Variants in PTGFR observed in about 807,000 individuals in gnomAD.
The protein encoded by PTGFR is prostaglandin F receptor, also known as prostaglandin F2-alpha receptor.
A neutral mutation model predicts 26.2 loss-of-function variants in PTGFR; 15 were observed. The observed-to-expected ratio is 0.57, with a 90% CI of 0.38 to 0.88. The LOEUF (loss-of-function observed/expected upper bound fraction) is 0.88. PTGFR is among the 40% of genes least tolerant of loss of function. PTGFR has a pLI of 0.00. For synonymous variants in PTGFR, 165 were observed against 151.1 expected, an observed-to-expected ratio of 1.09 and a Z score of -0.68; for missense variants, 369 against 427.2, an observed-to-expected ratio of 0.86 and a Z score of 1.20.
chr1:78,532,124 C>A, intron 2 of PTGFR: 4 of 354,326 alleles, frequency 1.1e-5, no homozygotes, highest in Middle Eastern at 3.8e-4. Context: ...TATTTTGTAA[C>A]TAGAGAAAAC....
intron 2 of PTGFR, among the ~76,000 whole-genome samples, chr1:78,494,317 C>T (rs1355088512): frequency 1.3e-5 from 2 of 152,106 alleles, no homozygotes; most frequent in Non-Finnish European, 2.9e-5. Flanking sequence ...TAATGTTTTG[C>T]TTTATAATGT....
At chr1:78,522,743 T>C (rs1433231525) in intron 2 of PTGFR, among the ~76,000 whole-genome samples, 1 of 152,072 alleles carries the variant, frequency 6.6e-6, no homozygotes, top group Non-Finnish European at 1.5e-5. Context: ...ATGACTGTAT[T>C]CTCTCCCTTG....
chr1:78,522,538 A>G (rs1650272397), intron 2 of PTGFR, among the ~76,000 whole-genome samples: 1 of 152,082 alleles, frequency 6.6e-6, no homozygotes, highest in Non-Finnish European at 1.5e-5. Context: ...CTCAAAGCAT[A>G]TACACATGTA....
chr1:78,536,479 G>T lies in PTGFR; in HGVS notation c.872G>T (p.Arg291Leu). 1 of 1,612,846 alleles carries T rather than the reference G, an allele frequency of 6.2e-7. No individual in the cohort carries two copies. The highest frequency in any genetic ancestry group is 8.5e-7 in the Non-Finnish European group (1 of 1,179,272). The change falls in exon 3 of 3, where the codon CGA becomes CTA. Residue 291 changes from arginine (R) to leucine (L), a missense_variant. By Grantham distance (102) the Arg-to-Leu change is moderately radical. Coordinates refer to ENST00000370757, the MANE Select transcript of PTGFR (RefSeq NM_000959.4). ...ETCETTLFAL[R>L]MATWNQILDP... ...TGTGAAACAACACTTTTTGCTCTCC[G>T]AATGGCAACATGGAATCAAATCTTA...
intron 2 of PTGFR, among the ~76,000 whole-genome samples, chr1:78,499,565 C>T (rs1649648553): frequency 6.6e-6 from 1 of 152,318 alleles, no homozygotes; most frequent in African/African-American, 2.4e-5. Flanking sequence ...AGGTCAGGAC[C>T]TGGTTGATAG....
chr1:78,503,224 T>C (rs1263922118), intron 2 of PTGFR, among the ~76,000 whole-genome samples: 2 of 146,634 alleles, frequency 1.4e-5, no homozygotes, highest in Non-Finnish European at 3.0e-5. Context: ...AAAATATGAG[T>C]AGAAAAATTG....
chr1:78,492,694 C>A lies in PTGFR; in HGVS notation c.-50C>A, dbSNP rs1205735946. ...CAGATGTCTGGACTGCAATCCTGCA[C>A]AGTTTTGAGAGGGAGATGACTTGAG... On this transcript the variant is annotated 5_prime_UTR_variant, in exon 2 of 3. Transcript: ENST00000370757. 1 of 1,528,754 alleles carries A rather than the reference C, an allele frequency of 6.5e-7. No homozygotes were observed. The highest frequency in any genetic ancestry group is 1.3e-5 in the South Asian group (1 of 79,706). The allele number at this position is 1,528,754 out of a possible 1,614,324, so 94.7% of individuals were successfully genotyped here. A position where few individuals can be genotyped will look rare whatever the true frequency, so the allele number is the denominator to read the frequency against.
intron 2 of PTGFR, among the ~76,000 whole-genome samples, chr1:78,521,549 G>C (rs187340521): frequency 1.4e-4 from 21 of 152,204 alleles, no homozygotes; most frequent in African/African-American, 4.6e-4. Context: ...TGTTAGTATA[G>C]GGAAGTGATT....
At chr1:78,511,687 T>C (rs1443394390) in intron 2 of PTGFR, among the ~76,000 whole-genome samples, 2 of 152,342 alleles carry the variant, frequency 1.3e-5, no homozygotes, top group East Asian at 3.9e-4. Context: ...CAAATCTCTC[T>C]AGGAAGTGGT....
At chr1:78,493,633 A>G in intron 2 of PTGFR, 92 bp downstream of exon 2, 1 of 1,252,146 alleles carries the variant, frequency 8.0e-7, no homozygotes, top group Non-Finnish European at 1.1e-6. Flanking sequence ...AATGCTGAGA[A>G]TGATCCCTAC....
At position 78,514,576 on chromosome 1, in the gene PTGFR, C is replaced by T. The variant is rs139913304; in HGVS notation, c.798+21035C>T. 1.2e-3 allele frequency among the ~76,000 whole-genome samples: 175 copies of T among 151,926 alleles called. 3 individuals are homozygous for T. In the East Asian group the frequency reaches 0.028, roughly 25 times the overall value. On this transcript the variant is annotated intron_variant, in intron 2 of 2. Transcript: ENST00000370757. The stretch of plus-strand genomic sequence containing the variant: ...GATGAGACTTTGGACTTGGGACTTT[C>T]GAGTTAATGCTTTGGAGGACTATTG...
chr1:78,515,158 G>T (rs181859903), intron 2 of PTGFR, among the ~76,000 whole-genome samples: 4 of 152,094 alleles, frequency 2.6e-5, no homozygotes, highest in African/African-American at 9.6e-5. Context: ...TTCTCTTTTG[G>T]AATTAATCTC....
intron 2 of PTGFR, among the ~76,000 whole-genome samples, chr1:78,525,847 C>T (rs1224816547): frequency 2.6e-5 from 4 of 151,970 alleles, no homozygotes; most frequent in Non-Finnish European, 4.4e-5. Context: ...TTAGAGGCTC[C>T]CTTCCAGGAA....
chr1:78,491,084 G>C lies in PTGFR; in HGVS notation c.-225G>C, dbSNP rs1649380200. On this transcript the variant is annotated 5_prime_UTR_variant, in exon 1 of 3. Coordinates refer to ENST00000370757, the MANE Select transcript of PTGFR (RefSeq NM_000959.4). ...GCTAAGGGAACGAGTGCGCGGAGGG[G>C]ACGAGCGGCTGGACCACAGCCGGCG... 6.6e-6 allele frequency: 1 copy of C among 152,278 alleles called. No homozygotes were observed. The highest frequency in any genetic ancestry group is 2.1e-4 in the South Asian group (1 of 4,838). 9.4% of individuals were successfully genotyped at this position (152,278 alleles called of 1,614,324 possible).
In PTGFR at chr1:78,492,957, G is replaced by A; in HGVS notation, c.214G>A (p.Gly72Ser). The A allele has an allele frequency of 1.2e-6, 2 of 1,614,218 alleles. No individual in the cohort carries two copies. Among genetic ancestry groups the A allele is most frequent in the African/African-American group, 1.3e-5 (1 of 75,058 alleles). ...GGCATCGTTTCTGCTTTTGGCCAGT[G>A]GCCTGGTAATCACTGATTTCTTTGG... ...SKASFLLLAS[G>S]LVITDFFGHL... Residue 72 changes from glycine (G) to serine (S), a missense_variant, in exon 2 of 3, where the codon GGC becomes AGC. Coordinates refer to ENST00000370757, the MANE Select transcript of PTGFR (RefSeq NM_000959.4).
At chr1:78,536,378 C>T in intron 2 of PTGFR, 28 bp from the exon 3 acceptor site, 3 of 1,581,008 alleles carry the variant, frequency 1.9e-6, no homozygotes, top group Non-Finnish European at 2.6e-6. Context: ...GCTGCATCAA[C>T]TAATTTCCGT....
intron 2 of PTGFR, among the ~76,000 whole-genome samples, chr1:78,523,708 A>G (rs749860204): frequency 2.6e-5 from 4 of 152,146 alleles, no homozygotes; most frequent in Non-Finnish European, 4.4e-5. Context: ...AAACTAGCTT[A>G]TATAATAAAG....
At chr1:78,491,455 G>T (rs1338982283) in intron 1 of PTGFR, among the ~76,000 whole-genome samples, 1 of 152,222 alleles carries the variant, frequency 6.6e-6, no homozygotes, top group Non-Finnish European at 1.5e-5. Flanking sequence ...GGATTGGGTA[G>T]AAAGGGTCTC....
chr1:78,501,587 T>C (rs1290382931), intron 2 of PTGFR, among the ~76,000 whole-genome samples: 1 of 152,162 alleles, frequency 6.6e-6, no homozygotes, highest in Non-Finnish European at 1.5e-5. Context: ...CCAAATGAAA[T>C]TCAGACTGTG....
Sources: gnomAD v4.1 joint callset for allele counts (sites outside exome capture counted in the v4.1 genomes callset) on GRCh38, gnomAD v4.1.1 for gene constraint, MANE v1.5 for transcripts, NCBI Gene and HGNC (gene_info 2026-07-23, HGNC 2026-07-21) for gene names.